Variants in PRKCH observed in about 807,000 individuals in gnomAD.
PRKCH encodes the protein protein kinase C eta.
In PRKCH, 28 loss-of-function variants were observed where a neutral mutation model predicts 82.5. The ratio of observed to expected loss-of-function variants is 0.34; its 90% confidence interval spans 0.25 to 0.47. PRKCH has a LOEUF of 0.47. Ranked by LOEUF, PRKCH falls within the 20% of genes least tolerant of loss-of-function variation. PRKCH has a pLI of 1.00. For missense variants in PRKCH, 705 were observed against 881.8 expected, an observed-to-expected ratio of 0.80 and a Z score of 2.54; for synonymous variants, 322 against 327.4, an observed-to-expected ratio of 0.98 and a Z score of 0.18.
At chr14:61,198,588 C>T (rs749011634) in intron 1 of PRKCH, among the ~76,000 whole-genome samples, 8 of 152,272 alleles carry the variant, frequency 5.3e-5, no homozygotes, top group Middle Eastern at 3.4e-3. Flanking sequence ...CCACAGTTAG[C>T]GTGTGGGCAG....
At position 61,413,932 on chromosome 14, in the gene PRKCH, ATC is replaced by A. The variant is rs143840061; in HGVS notation, c.427+22648_427+22649del. Among the ~76,000 whole-genome samples, 1,345 of 152,188 alleles carry A rather than the reference ATC, an allele frequency of 8.8e-3. 21 individuals carry two copies. The highest frequency in any genetic ancestry group is 0.03 in the African/African-American group (1,251 of 41,508). ...GTTTCCAGGCCCCATCTTATTGGAC[ATC>A]TCTGTTGTGTTTGGCAGTGCTCATC... On this transcript the variant is annotated intron_variant, in intron 2 of 13. Transcript: ENST00000332981.
At chr14:61,505,209 A>G (rs1887082679) in intron 10 of PRKCH, among the ~76,000 whole-genome samples, 1 of 152,008 alleles carries the variant, frequency 6.6e-6, no homozygotes, top group African/African-American at 2.4e-5. Flanking sequence ...GGTGGCTTGT[A>G]AACAACAGAA....
At chr14:61,375,002 C>G (rs950708522) in intron 1 of PRKCH, among the ~76,000 whole-genome samples, 12 of 152,210 alleles carry the variant, frequency 7.9e-5, no homozygotes, top group African/African-American at 2.9e-4. Flanking sequence ...GTTCCAATTT[C>G]ACACCATCCC....
At chr14:61,422,406 A>T (rs1300207139) in intron 2 of PRKCH, among the ~76,000 whole-genome samples, 1 of 152,212 alleles carries the variant, frequency 6.6e-6, no homozygotes, top group African/African-American at 2.4e-5. Flanking sequence ...ATGCTTTTTA[A>T]GTAGGAGCAT....
intron 1 of PRKCH, among the ~76,000 whole-genome samples, chr14:61,343,668 A>C (rs1291207671): frequency 6.6e-6 from 1 of 152,240 alleles, no homozygotes; most frequent in Non-Finnish European, 1.5e-5. Context: ...TTGATTGCAC[A>C]ACATCCTGTG....
At chr14:61,312,008 CAT>C (rs2045528891) in intron 1 of PRKCH, among the ~76,000 whole-genome samples, 1 of 152,252 alleles carries the variant, frequency 6.6e-6, no homozygotes, top group East Asian at 1.9e-4. Context: ...GGGTGGTTGA[CAT>C]GTGGGGATTA....
At chr14:61,375,327 A>G (rs2140178440) in intron 1 of PRKCH, among the ~76,000 whole-genome samples, 1 of 152,060 alleles carries the variant, frequency 6.6e-6, no homozygotes, top group Admixed American at 6.5e-5. Context: ...GCTTTCCCAT[A>G]TCTCCCTGTC....
intron 2 of PRKCH, among the ~76,000 whole-genome samples, chr14:61,419,398 TTCTTG>T (rs1385260053): frequency 4.6e-5 from 7 of 152,200 alleles, no homozygotes; most frequent in Admixed American, 2.0e-4. Context: ...GGCCAGATAA[TTCTTG>T]TTGTAGAAGC....
chr14:61,475,410 C>T (rs1284813161), intron 9 of PRKCH, among the ~76,000 whole-genome samples: 1 of 152,172 alleles, frequency 6.6e-6, no homozygotes, highest in African/African-American at 2.4e-5. Context: ...TTTGTTCAAA[C>T]GTTCTTCTCG....
chr14:61,280,944 TGTATAGTC>T lies in PRKCH; in HGVS notation c.-19+93280_-19+93287del. ...AGCAGTTACCGGTGCCCGGGTCGCCTGTATAGTCGTACTCCAGCTCCTTGATGCCGTTG... is the reference window on the plus strand; with the variant it reads ...AGCAGTTACCGGTGCCCGGGTCGCCTGTACTCCAGCTCCTTGATGCCGTTG... On this transcript the variant is annotated intron_variant, in intron 1 of 3. Transcript: ENST00000555185. The surrounding 1 kb of genome is among the most constrained non-coding windows in gnomAD (Gnocchi z 5.0). 1 of 1,539,884 alleles carries T rather than the reference TGTATAGTC, an allele frequency of 6.5e-7. No homozygotes were observed. The highest frequency in any genetic ancestry group is 1.2e-5 in the South Asian group (1 of 83,636).
chr14:61,397,546 A>G (rs1195067995), intron 2 of PRKCH, among the ~76,000 whole-genome samples: 2 of 152,212 alleles, frequency 1.3e-5, no homozygotes, highest in Non-Finnish European at 1.5e-5. Flanking sequence ...ACATTTAAGT[A>G]CTTTGGCTCA....
At chr14:61,424,399 A>T (rs1301070646) in intron 2 of PRKCH, among the ~76,000 whole-genome samples, 1 of 152,216 alleles carries the variant, frequency 6.6e-6, no homozygotes, top group Non-Finnish European at 1.5e-5. Flanking sequence ...TTTGACCAAA[A>T]TGCTGATAGC....
At chr14:61,376,254 G>T (rs553986647) in intron 1 of PRKCH, among the ~76,000 whole-genome samples, 1 of 152,066 alleles carries the variant, frequency 6.6e-6, no homozygotes, top group Non-Finnish European at 1.5e-5. Flanking sequence ...TGTTTTGCTG[G>T]TTCTGCTTTC....
At chr14:61,459,765 A>T (rs1196695969) in intron 9 of PRKCH, among the ~76,000 whole-genome samples, 1 of 152,228 alleles carries the variant, frequency 6.6e-6, no homozygotes, top group Non-Finnish European at 1.5e-5. Flanking sequence ...GCATATATAT[A>T]CAGCACATAT....
chr14:61,530,469 T>C lies in PRKCH; in HGVS notation c.1635T>C (p.Tyr545=). The change falls in exon 12 of 14, where the codon TAT becomes TAC. Residue 545 remains tyrosine, a synonymous_variant. Transcript: ENST00000332981. ...VDWWAMGVLL[Y]EMLCGHAPFE... Reference sequence around the variant, plus strand: ...GGTGGGCAATGGGCGTGTTGCTCTATGAGATGCTCTGTGGTCACGCGCCTT... The same window carrying C: ...GGTGGGCAATGGGCGTGTTGCTCTACGAGATGCTCTGTGGTCACGCGCCTT... 6.2e-7 allele frequency: 1 copy of C among 1,610,578 alleles called. No homozygotes were observed. The highest frequency in any genetic ancestry group is 2.2e-5 in the East Asian group (1 of 44,850).
At chr14:61,344,537 T>G (rs1194389130) in intron 1 of PRKCH, 1 of 152,132 alleles carries the variant, frequency 6.6e-6, no homozygotes, top group East Asian at 1.9e-4. Context: ...ACAAGCAAGG[T>G]AGTGGAGAGT....
intron 1 of PRKCH, among the ~76,000 whole-genome samples, chr14:61,299,487 A>C (rs918047022): frequency 1.3e-5 from 2 of 150,394 alleles, no homozygotes; most frequent in African/African-American, 4.9e-5. Context: ...GGTTTTTTCT[A>C]CTGGGAGACT....
In PRKCH at chr14:61,322,139, G is replaced by T; in HGVS notation, c.38G>T (p.Arg13Met). 1 of 1,602,302 alleles carries T rather than the reference G, an allele frequency of 6.2e-7. No homozygotes were observed. Among genetic ancestry groups the T allele is most frequent in the East Asian group, 2.3e-5 (1 of 44,234 alleles). ...ACCATGAAGTTCAATGGCTATTTGA[G>T]GGTCCGCATCGGTGAGGCAGTGGGG... is the stretch of plus-strand genomic sequence containing the variant. ...SGTMKFNGYL[R>M]VRIGEAVGLQ... Residue 13 changes from arginine (R) to methionine (M), a missense_variant, in exon 1 of 14, where the codon AGG becomes ATG. Arg to Met is a moderately conservative substitution (Grantham distance 91). Transcript: ENST00000332981.
chr14:61,215,366 C>T (rs1032983855), intron 1 of PRKCH, among the ~76,000 whole-genome samples: 3 of 152,148 alleles, frequency 2.0e-5, no homozygotes, highest in Admixed American at 2.0e-4. Context: ...ATCAGAGAAA[C>T]CCTGCCTAAG....
Sources: allele counts gnomAD v4.1 joint callset (sites outside exome capture counted in the v4.1 genomes callset), GRCh38; gene constraint gnomAD v4.1.1; non-coding constraint Gnocchi (gnomAD v3.1); transcripts MANE v1.5; gene names NCBI Gene and HGNC (gene_info 2026-07-23, HGNC 2026-07-21).